The following RBPMS2 variants were observed in gnomAD, a reference collection of about 807,000 sequenced individuals.
RBPMS2 encodes the protein RNA-binding protein with multiple splicing 2.
Under a neutral mutation model 25.7 loss-of-function variants are expected in RBPMS2, and 14 were observed. The observed-to-expected ratio is 0.55, with a 90% CI of 0.36 to 0.85. RBPMS2 has a LOEUF of 0.85. Among genes scored for constraint, RBPMS2 ranks in the 40% least tolerant of loss-of-function variants. The probability of loss-of-function intolerance (pLI) is 0.01; values close to 1 mark genes in which losing one functional copy is unlikely to be tolerated. For synonymous variants in RBPMS2, 127 were observed against 115.6 expected, an observed-to-expected ratio of 1.10 and a Z score of -0.63; for missense variants, 252 against 283.4, an observed-to-expected ratio of 0.89 and a Z score of 0.80.
chr15:64,763,829 A>G (rs2083815636), intron 1 of RBPMS2, among the ~76,000 whole-genome samples: 1 of 113,964 alleles, frequency 8.8e-6, no homozygotes, highest in African/African-American at 3.2e-5. Flanking sequence ...GGGAATAGAG[A>G]CTGGGGGGAA....
At chr15:64,756,194 C>T (rs918547208) in intron 1 of RBPMS2, among the ~76,000 whole-genome samples, 40 of 152,212 alleles carry the variant, frequency 2.6e-4, no homozygotes, top group African/African-American at 8.7e-4. Context: ...AGACCAGATA[C>T]GATCCAGCAT....
chr15:64,761,533 G>C (rs1318763563), intron 1 of RBPMS2, among the ~76,000 whole-genome samples: 3 of 152,112 alleles, frequency 2.0e-5, no homozygotes, highest in African/African-American at 7.2e-5. Flanking sequence ...AGGTACCCAG[G>C]AACAACTGGC....
chr15:64,748,573 AC>A lies in RBPMS2; in HGVS notation c.419-7del. 1 of 1,535,262 alleles carries A rather than the reference AC, an allele frequency of 6.5e-7. No individual in the cohort carries two copies. The highest frequency in any genetic ancestry group is 1.3e-5 in the South Asian group (1 of 78,708). On this transcript the variant is annotated splice_polypyrimidine_tract_variant and splice_region_variant and intron_variant, in intron 5 of 7. Transcript: ENST00000300069. The stretch of plus-strand genomic sequence containing the variant: ...AGCAGCCCCCATCAGGTCATCTACA[AC>A]AGGAGACAATGGCCTCCATCATCAG...
intron 1 of RBPMS2, chr15:64,762,527 G>T (rs879606533): frequency 3.7e-6 from 2 of 534,422 alleles, no homozygotes; most frequent in African/African-American, 1.9e-5. Flanking sequence ...TTCCCCAAGG[G>T]AAAGAGACCC....
At chr15:64,766,346 C>A (rs1348647393) in intron 1 of RBPMS2, among the ~76,000 whole-genome samples, 2 of 152,150 alleles carry the variant, frequency 1.3e-5, no homozygotes, top group African/African-American at 2.4e-5. Flanking sequence ...GAAGGGAGGG[C>A]CCAACAATCC....
At chr15:64,766,300 C>G (rs917513153) in intron 1 of RBPMS2, among the ~76,000 whole-genome samples, 2 of 152,138 alleles carry the variant, frequency 1.3e-5, no homozygotes. Flanking sequence ...CTCCAGAGGC[C>G]TCCAACGCTG....
At chr15:64,742,633 G>A (rs118148505) in intron 6 of RBPMS2, among the ~76,000 whole-genome samples, 2,255 of 152,348 alleles carry the variant, frequency 0.015, 27 homozygotes, top group Middle Eastern at 0.041. Flanking sequence ...AAAGGGGTGT[G>A]GCGGGGGGAG....
intron 1 of RBPMS2, among the ~76,000 whole-genome samples, chr15:64,759,465 A>T (rs1365027068): frequency 6.6e-6 from 1 of 151,062 alleles, no homozygotes; most frequent in African/African-American, 2.5e-5. Flanking sequence ...TTTTTAGAGA[A>T]GAGAAGTAAG....
At chr15:64,760,803 GAA>G (rs778747592) in intron 1 of RBPMS2, among the ~76,000 whole-genome samples, 3 of 139,114 alleles carry the variant, frequency 2.2e-5, no homozygotes, top group Non-Finnish European at 3.1e-5. Flanking sequence ...ACTCCATCTC[GAA>G]AAAAAAAAAA....
chr15:64,764,355 T>C (rs8032306), intron 1 of RBPMS2, among the ~76,000 whole-genome samples: 7,136 of 152,178 alleles, frequency 0.047, 546 homozygotes, highest in African/African-American at 0.16. Flanking sequence ...CCTAAATCAA[T>C]ACCTCCAACC....
At chr15:64,764,991 C>T (rs1450736398) in intron 1 of RBPMS2, among the ~76,000 whole-genome samples, 1 of 150,648 alleles carries the variant, frequency 6.6e-6, no homozygotes, top group African/African-American at 2.4e-5. Flanking sequence ...CTTTGGGAGG[C>T]AGAGGCGGGC....
intron 1 of RBPMS2, among the ~76,000 whole-genome samples, chr15:64,765,583 T>TA (rs5813321): frequency 0.87 from 129,949 of 148,958 alleles, 57,701 homozygotes; most frequent in East Asian, 0.96. Flanking sequence ...TGTGTCAGAA[T>TA]AAAAAAAAGG....
chr15:64,747,604 C>G (rs1309180727), intron 6 of RBPMS2, among the ~76,000 whole-genome samples: 1 of 152,176 alleles, frequency 6.6e-6, no homozygotes, highest in African/African-American at 2.4e-5. Context: ...CTGTGAGGCA[C>G]CCCACTGCTC....
rs191182650 is a variant in RBPMS2, at chr15:64,740,946, G to A, written c.*62C>T. The A allele has an allele frequency of 4.7e-4, 221 of 475,218 alleles. 4 individuals carry two copies. The Admixed American group carries it at 7.8e-3, about 17-fold the overall frequency. The allele number at this position is 475,218 out of a possible 1,614,324, so 29.4% of individuals were successfully genotyped here. A position where few individuals can be genotyped will look rare whatever the true frequency, so the allele number is the denominator to read the frequency against. ...CGCCCGGGGGCAGTGGGAACTCGGGGCGCCTGTCCCGGCACCACCACAGAT... is the reference window on the plus strand; with the variant it reads ...CGCCCGGGGGCAGTGGGAACTCGGGACGCCTGTCCCGGCACCACCACAGAT... On this transcript the variant is annotated 3_prime_UTR_variant, in exon 8 of 8. Coordinates refer to ENST00000300069, the MANE Select transcript of RBPMS2 (RefSeq NM_194272.3).
intron 6 of RBPMS2, among the ~76,000 whole-genome samples, chr15:64,746,939 G>A (rs1029383570): frequency 1.3e-5 from 2 of 152,174 alleles, no homozygotes; most frequent in South Asian, 2.1e-4. Context: ...TTAAACATCC[G>A]CTTGACCTGA....
intron 1 of RBPMS2, among the ~76,000 whole-genome samples, chr15:64,757,261 C>A (rs1440584456): frequency 6.6e-6 from 1 of 152,122 alleles, no homozygotes; most frequent in Non-Finnish European, 1.5e-5. Context: ...GTATGAGCCA[C>A]CATGCCTGGC....
chr15:64,774,965 C>G (rs2083919495), intron 1 of RBPMS2, among the ~76,000 whole-genome samples: 1 of 150,820 alleles, frequency 6.6e-6, no homozygotes, highest in Admixed American at 6.6e-5. Context: ...TCTCGCCCAC[C>G]GCGGGACGCC....
chr15:64,775,307 T>C lies in RBPMS2; in HGVS notation c.13A>G (p.Lys5Glu), dbSNP rs1476165438. MSNLKPDGEHGGSTG... is the reference protein window; with the variant it reads MSNLEPDGEHGGSTG... ...CTGCCGCCGTGCTCGCCGTCCGGCT[T>C]CAGGTTGCTCATGGTGCGGGGGAGG... Residue 5 changes from lysine to glutamate, a missense_variant, in exon 1 of 8, where the codon AAG (lysine) becomes GAG (glutamate). Coordinates refer to ENST00000300069, the MANE Select transcript of RBPMS2 (RefSeq NM_194272.3). 2.6e-5 allele frequency: 35 copies of C among 1,344,096 alleles called. No homozygotes were observed. Among genetic ancestry groups the C allele is most frequent in the Non-Finnish European group, 3.4e-5 (35 of 1,041,602 alleles). 83.3% of individuals were successfully genotyped at this position (1,344,096 alleles called of 1,614,324 possible).
At position 64,740,598 on chromosome 15, in the gene RBPMS2, GAACA is replaced by G. The variant is rs2083551994; in HGVS notation, c.*406_*409del. Reference sequence around the variant, plus strand: ...ACCTGTCGCTATGGTGACAGTGTGAGAACAAACTGTACACTCATATATACAAGTA... The same window carrying G: ...ACCTGTCGCTATGGTGACAGTGTGAGAACTGTACACTCATATATACAAGTA... On this transcript the variant is annotated 3_prime_UTR_variant, in exon 8 of 8. Transcript: ENST00000300069. 2.0e-5 allele frequency: 3 copies of G among 152,982 alleles called. No individual in the cohort carries two copies. The highest frequency in any genetic ancestry group is 2.0e-4 in the Admixed American group (3 of 15,308). 9.5% of individuals were successfully genotyped at this position (152,982 alleles called of 1,614,324 possible). A position where few individuals can be genotyped will look rare whatever the true frequency, so the allele number is the denominator to read the frequency against.
Sources: gnomAD v4.1 joint callset for allele counts (sites outside exome capture counted in the v4.1 genomes callset) on GRCh38, gnomAD v4.1.1 for gene constraint, MANE v1.5 for transcripts, NCBI Gene and HGNC (gene_info 2026-07-23, HGNC 2026-07-21) for gene names.